The following COL5A3 variants were observed in gnomAD, a reference collection of about 807,000 sequenced individuals.
The protein encoded by COL5A3 is collagen alpha-3(V) chain.
Under a neutral mutation model 250.0 loss-of-function variants are expected in COL5A3, and 172 were observed. The observed-to-expected ratio is 0.69, with a 90% CI of 0.61 to 0.78. The LOEUF (loss-of-function observed/expected upper bound fraction) is 0.78, where lower values mean the gene tolerates loss of function less well. COL5A3 is among the 30% of genes least tolerant of loss of function. The probability of loss-of-function intolerance (pLI) is 0.00; values close to 1 mark genes in which losing one functional copy is unlikely to be tolerated. For synonymous variants in COL5A3, 937 were observed against 900.4 expected, an observed-to-expected ratio of 1.04 and a Z score of -0.73; for missense variants, 2,340 against 2,334.4, an observed-to-expected ratio of 1.00 and a Z score of -0.05.
In COL5A3 at chr19:9,970,805, C is replaced by T. The variant is rs2086834371; in HGVS notation, c.3883-130G>A. ...CAGCACCGGGTACTCCCACCTCCCACCTACTCCCTCAAGCTGCTCACATTC... is the reference window on the plus strand; with the variant it reads ...CAGCACCGGGTACTCCCACCTCCCATCTACTCCCTCAAGCTGCTCACATTC... On this transcript the variant is annotated intron_variant, in intron 53 of 66. Coordinates refer to ENST00000264828, the MANE Select transcript of COL5A3 (RefSeq NM_015719.4). The T allele has an allele frequency of 1.3e-5, 13 of 1,002,194 alleles. No homozygotes were observed. In the South Asian group the frequency reaches 1.4e-4, roughly 11 times the overall value. 62.1% of individuals were successfully genotyped at this position (1,002,194 alleles called of 1,614,324 possible). A position where few individuals can be genotyped will look rare whatever the true frequency, so the allele number is the denominator to read the frequency against.
chr19:9,966,293 T>G, intron 64 of COL5A3, 21 bp downstream of exon 64: 9 of 1,574,052 alleles, frequency 5.7e-6, no homozygotes, highest in Non-Finnish European at 7.0e-6. Flanking sequence ...GGGGAGGCGA[T>G]GAGAGGTTTG....
intron 8 of COL5A3, among the ~76,000 whole-genome samples, chr19:9,998,978 T>C (rs1406454299): frequency 6.6e-6 from 1 of 151,870 alleles, no homozygotes; most frequent in Non-Finnish European, 1.5e-5. Flanking sequence ...GCCACCATGC[T>C]TGGCTCCTTC....
intron 29 of COL5A3, 60 bp from the exon 30 acceptor site, chr19:9,986,482 C>G (rs534007076): frequency 6.2e-7 from 1 of 1,601,696 alleles, no homozygotes; most frequent in Admixed American, 1.7e-5. Flanking sequence ...CTGTCTAGCC[C>G]CAGCTCATCC....
At chr19:9,970,441 TG>T (rs139557064) in intron 54 of COL5A3, among the ~76,000 whole-genome samples, 180 bp downstream of exon 54, 1 of 18,704 alleles carries the variant, frequency 5.3e-5, no homozygotes, top group South Asian at 1.8e-3. Flanking sequence ...GTGGGGTCTG[TG>T]GGTGAGTGGG....
Position 9,973,122 on chromosome 19 carries a change from T to C in COL5A3, c.3667-96A>G, listed in dbSNP as rs1461169926. On this transcript the variant is annotated intron_variant, in intron 50 of 66. Coordinates refer to ENST00000264828, the MANE Select transcript of COL5A3 (RefSeq NM_015719.4). ...TCAGGCATTGGGGTGGTCTGGGACTTTTCTGGGGTCAGGGTTCAGAGTAGC... is the reference window on the plus strand; with the variant it reads ...TCAGGCATTGGGGTGGTCTGGGACTCTTCTGGGGTCAGGGTTCAGAGTAGC... 5.2e-6 allele frequency: 6 copies of C among 1,144,324 alleles called. No homozygotes were observed. In the East Asian group the frequency reaches 1.6e-4, roughly 30 times the overall value. The allele number at this position is 1,144,324 out of a possible 1,614,324, so 70.9% of individuals were successfully genotyped here.
rs777319867 is a variant in COL5A3, at chr19:9,979,155, G to A, written c.2851C>T (p.Leu951=). 6.3e-7 allele frequency: 1 copy of A among 1,594,510 alleles called. No individual in the cohort carries two copies. Among genetic ancestry groups the A allele is most frequent in the African/African-American group, 1.4e-5 (1 of 73,414 alleles). The change falls in exon 39 of 67, where the codon CTG becomes TTG. Residue 951 remains leucine (L), a synonymous_variant. Coordinates refer to ENST00000264828, the MANE Select transcript of COL5A3 (RefSeq NM_015719.4). ...GPPGEQGLPG[L]EGREGAKGEL... ...ACCTTGGCCCCCTCTCTGCCTTCCA[G>A]GCCAGGAAGACCTTGTTCACCAGGA...
chr19:9,985,660 C>T (rs927740991), intron 31 of COL5A3, among the ~76,000 whole-genome samples, 182 bp downstream of exon 31: 2 of 152,162 alleles, frequency 1.3e-5, no homozygotes, highest in Non-Finnish European at 2.9e-5. Flanking sequence ...CTCACCTCAG[C>T]CTCTCAGGGT....
intron 64 of COL5A3, among the ~76,000 whole-genome samples, chr19:9,964,265 C>T (rs2086708502): frequency 6.6e-6 from 1 of 152,140 alleles, no homozygotes; most frequent in South Asian, 2.1e-4. Flanking sequence ...GATGATGCCA[C>T]TGCACTCCAG....
At position 9,982,055 on chromosome 19, in the gene COL5A3, C is replaced by G. The variant is rs1050054754; in HGVS notation, c.2460+10G>C. ...TTCTCCCCTCTCCCTTACCCCCGGT[C>G]ATGACTCACCGACTTCCCTTTCTCT... is the stretch of plus-strand genomic sequence containing the variant. On this transcript the variant is annotated intron_variant, in intron 32 of 66. Transcript: ENST00000264828. 3.1e-6 allele frequency: 5 copies of G among 1,607,814 alleles called. No individual in the cohort carries two copies. In the African/African-American group the frequency reaches 6.7e-5, roughly 21 times the overall value.
intron 8 of COL5A3, among the ~76,000 whole-genome samples, chr19:10,000,584 C>T (rs2087345849): frequency 6.6e-6 from 1 of 151,326 alleles, no homozygotes; most frequent in Non-Finnish European, 1.5e-5. Flanking sequence ...AGCCGTGAGC[C>T]ACTGCCCCCG....
chr19:9,987,171 T>G (rs2087112738), intron 27 of COL5A3, among the ~76,000 whole-genome samples: 1 of 152,172 alleles, frequency 6.6e-6, no homozygotes, highest in Admixed American at 6.5e-5. Flanking sequence ...AGAGAGCGCT[T>G]AGTTCAAGTC....
Position 9,966,422 on chromosome 19 carries a change from T to C in COL5A3, c.4674A>G (p.Glu1558=), listed in dbSNP as rs1305195891. ...HRNHPHLPDG[E]YWIDPNQGCA... ...AGCCCTGGTTGGGGTCAATCCAGTA[T>C]TCCCCTGCCGCAGAGCCAGGCAGGG... Residue 1558 remains glutamate, a synonymous_variant, in exon 64 of 67, where the codon GAA becomes GAG. Coordinates refer to ENST00000264828, the MANE Select transcript of COL5A3 (RefSeq NM_015719.4). The C allele has an allele frequency of 1.3e-6, 2 of 1,596,724 alleles. No homozygotes were observed. Among genetic ancestry groups the C allele is most frequent in the East Asian group, 2.2e-5 (1 of 44,562 alleles).
intron 16 of COL5A3, among the ~76,000 whole-genome samples, chr19:9,994,994 G>A (rs529743673): frequency 6.6e-6 from 1 of 152,066 alleles, no homozygotes; most frequent in Admixed American, 6.5e-5. Context: ...TGCAACCTCT[G>A]CTTCCTGGAT....
At position 9,979,830 on chromosome 19, in the gene COL5A3, G is replaced by T. The variant is rs748642739; in HGVS notation, c.2712+9C>A. The T allele has an allele frequency of 1.1e-5, 17 of 1,582,828 alleles. No homozygotes were observed. The highest frequency in any genetic ancestry group is 1.3e-5 in the Non-Finnish European group (15 of 1,169,342). On this transcript the variant is annotated intron_variant, in intron 37 of 66. Transcript: ENST00000264828. ...AGGATCAGGAATCAAAGGTTGAGGG[G>T]TTACTCACCAGTTCTCCTCTCTGTC...
At chr19:9,988,044 G>T (rs531522336) in intron 27 of COL5A3, among the ~76,000 whole-genome samples, 2 of 152,168 alleles carry the variant, frequency 1.3e-5, no homozygotes, top group East Asian at 3.9e-4. Context: ...AGACCAGCCT[G>T]ACCAACATGG....
At chr19:10,000,363 A>G (rs1004099908) in intron 8 of COL5A3, among the ~76,000 whole-genome samples, 2 of 147,430 alleles carry the variant, frequency 1.4e-5, no homozygotes, top group East Asian at 2.0e-4. Context: ...ATCTTCCTCC[A>G]GGTCACGTCC....
chr19:10,006,968 C>G (rs1411011960), intron 1 of COL5A3, among the ~76,000 whole-genome samples: 3 of 150,902 alleles, frequency 2.0e-5, no homozygotes, highest in African/African-American at 7.3e-5. Context: ...AACTTCCTCT[C>G]TCAGACTTTG....
chr19:9,995,666 G>C, intron 15 of COL5A3, 49 bp from the exon 16 acceptor site: 1 of 1,396,328 alleles, frequency 7.2e-7, no homozygotes, highest in Non-Finnish European at 9.9e-7. Flanking sequence ...GAAGAAAGAG[G>C]GACTTATTCT....
Position 9,981,097 on chromosome 19 carries a change from C to T in COL5A3, c.2496G>A (p.Arg832=). 6.2e-7 allele frequency: 1 copy of T among 1,613,986 alleles called. No individual in the cohort carries two copies. The highest frequency in any genetic ancestry group is 1.1e-5 in the South Asian group (1 of 91,080). ...CTGTCTATTTTCTTACTGGTGGTCC[C>T]CGCTCTCCTTCCAGGCCTGGCTGCC... The part of the protein sequence containing the change: ...KTGQPGLEGE[R]GPPGSRGERG... Residue 832 remains arginine (R), a synonymous_variant, in exon 33 of 67, where the codon CGG becomes CGA. Coordinates refer to ENST00000264828, the MANE Select transcript of COL5A3 (RefSeq NM_015719.4).
Sources: gnomAD v4.1 joint callset for allele counts (sites outside exome capture counted in the v4.1 genomes callset) on GRCh38, gnomAD v4.1.1 for gene constraint, MANE v1.5 for transcripts, NCBI Gene and HGNC (gene_info 2026-07-23, HGNC 2026-07-21) for gene names.